SELPLG: variants seen among roughly 807,000 people sequenced by gnomAD.
SELPLG encodes P-selectin glycoprotein ligand 1.
Under a neutral mutation model 1.1 loss-of-function variants are expected in SELPLG, and 2 were observed. The ratio of observed to expected loss-of-function variants is 1.82; its 90% CI spans 0.74 to 5.71. The LOEUF is 5.71. SELPLG is among the 30% of genes most tolerant of loss of function. SELPLG has a pLI of 0.05. For missense variants in SELPLG, 478 were observed against 524.7 expected, an observed-to-expected ratio of 0.91 and a Z score of 0.87; for synonymous variants, 230 against 221.2, an observed-to-expected ratio of 1.04 and a Z score of -0.35.
intron 1 of SELPLG, chr12:108,632,170 C>T (rs2032070136): frequency 7.8e-6 from 4 of 511,782 alleles, no homozygotes; most frequent in African/African-American, 1.9e-5. Flanking sequence ...TGGCTGCTGG[C>T]CAAGCCTGCT....
chr12:108,631,061 C>T (rs903793723), intron 1 of SELPLG, among the ~76,000 whole-genome samples: 15 of 152,160 alleles, frequency 9.9e-5, no homozygotes, highest in South Asian at 2.1e-4. Flanking sequence ...AGGGGCCTCA[C>T]TAAATGCCTC....
intron 1 of SELPLG, among the ~76,000 whole-genome samples, chr12:108,625,888 A>G (rs941136066): frequency 3.3e-5 from 5 of 152,180 alleles, no homozygotes; most frequent in African/African-American, 1.2e-4. Flanking sequence ...TTCCCTGGAT[A>G]TAACACCCTT....
intron 1 of SELPLG, among the ~76,000 whole-genome samples, chr12:108,633,169 G>A (rs1472972400): frequency 3.3e-5 from 5 of 152,144 alleles, no homozygotes; most frequent in African/African-American, 4.8e-5. Flanking sequence ...TCAGAATGCC[G>A]CCAAGCCAGA....
intron 1 of SELPLG, among the ~76,000 whole-genome samples, chr12:108,631,339 T>A (rs1451866872): frequency 6.6e-6 from 1 of 152,172 alleles, no homozygotes; most frequent in Non-Finnish European, 1.5e-5. Flanking sequence ...CATAGCTCAC[T>A]GCAGGCTTGA....
intron 1 of SELPLG, among the ~76,000 whole-genome samples, chr12:108,632,844 G>A (rs1378649992): frequency 1.3e-5 from 2 of 151,746 alleles, no homozygotes; most frequent in Admixed American, 6.6e-5. Context: ...TATTATTATT[G>A]TTTTCCCTTT....
In SELPLG at chr12:108,623,911, T is replaced by C. The variant is rs2031882668; in HGVS notation, c.397A>G (p.Thr133Ala). ...TTQPAATEAQ[T>A]TQPVPTEAQT... ...GCCTCCGTGGGCACTGGTTGAGTGGTCTGTGCCTCCGTGGCTGCTGGTTGA... is the reference window on the plus strand; with the variant it reads ...GCCTCCGTGGGCACTGGTTGAGTGGCCTGTGCCTCCGTGGCTGCTGGTTGA... Residue 133 changes from threonine (T) to alanine (A), a missense_variant, in exon 2 of 2, where the codon ACC becomes GCC. Transcript: ENST00000550948. 1.2e-6 allele frequency: 2 copies of C among 1,607,534 alleles called. No individual in the cohort carries two copies. Among genetic ancestry groups the C allele is most frequent in the Non-Finnish European group, 8.5e-7 (1 of 1,176,324 alleles).
At chr12:108,630,061 TC>T (rs1325260779) in intron 1 of SELPLG, among the ~76,000 whole-genome samples, 1 of 152,046 alleles carries the variant, frequency 6.6e-6, no homozygotes, top group African/African-American at 2.4e-5. Context: ...CCTCTCCTCT[TC>T]CTGGAAGGCC....
chr12:108,624,692 TC>T (rs201205373), intron 1 of SELPLG, among the ~76,000 whole-genome samples: 17,739 of 142,666 alleles, frequency 0.12, 1,620 homozygotes, highest in Middle Eastern at 0.23. Flanking sequence ...ACTCCTTTTT[TC>T]TTTTTTTTTT....
Position 108,623,413 on chromosome 12 carries a change from C to A in SELPLG, c.895G>T (p.Ala299Ser), listed in dbSNP as rs1178595507. 6.2e-7 allele frequency: 1 copy of A among 1,614,248 alleles called. No homozygotes were observed. Among genetic ancestry groups the A allele is most frequent in the African/African-American group, 1.3e-5 (1 of 75,068 alleles). Residue 299 changes from alanine (A) to serine (S), a missense_variant, in exon 2 of 2, where the codon GCA becomes TCA. Transcript: ENST00000550948. Reference protein sequence around the residue: ...SSVTHKGIPMAASNLSVNYPV... With the variant: ...SSVTHKGIPMSASNLSVNYPV... Reference sequence around the variant, plus strand: ...TAGTTGACGGACAAATTGCTGGCTGCCATGGGAATGCCCTTGTGAGTAACA... The same window carrying A: ...TAGTTGACGGACAAATTGCTGGCTGACATGGGAATGCCCTTGTGAGTAACA...
intron 1 of SELPLG, chr12:108,631,912 A>G: frequency 6.5e-7 from 1 of 1,535,502 alleles, no homozygotes; most frequent in Non-Finnish European, 8.7e-7. Flanking sequence ...CTTCCTGTTC[A>G]AGTTCAGCAA....
intron 1 of SELPLG, among the ~76,000 whole-genome samples, chr12:108,629,460 T>C (rs1290038442): frequency 4.6e-5 from 7 of 152,174 alleles, no homozygotes. Flanking sequence ...CTTGTACTCC[T>C]AGCACTTTGG....
intron 1 of SELPLG, among the ~76,000 whole-genome samples, chr12:108,632,326 C>T (rs963006823): frequency 1.3e-5 from 2 of 151,514 alleles, no homozygotes; most frequent in Non-Finnish European, 2.9e-5. Flanking sequence ...AAAAGGAAAA[C>T]AGAAGAAAGA....
intron 1 of SELPLG, chr12:108,632,198 C>T (rs1399480872): frequency 6.8e-6 from 3 of 438,824 alleles, no homozygotes; most frequent in African/African-American, 2.0e-5. Flanking sequence ...GCATCAACCA[C>T]CCAGGGCACG....
chr12:108,632,120 T>C (rs779731401), intron 1 of SELPLG: 18 of 596,030 alleles, frequency 3.0e-5, no homozygotes, highest in Non-Finnish European at 5.0e-5. Flanking sequence ...GGGCCCAGCC[T>C]AGCAACCCAG....
At chr12:108,627,001 G>A (rs1301274122) in intron 1 of SELPLG, among the ~76,000 whole-genome samples, 1 of 152,112 alleles carries the variant, frequency 6.6e-6, no homozygotes, top group Non-Finnish European at 1.5e-5. Context: ...CTATTTGGGA[G>A]GCCAAGGCAG....
In SELPLG at chr12:108,632,395, T is replaced by G. The variant is rs1259027071; in HGVS notation, c.-6+1345A>C. ...CCAGATATCGACAATATGGGGTGTGTGTGTGTGTGTGTGTGTGTGTGTGTG... is the reference window on the plus strand; with the variant it reads ...CCAGATATCGACAATATGGGGTGTGGGTGTGTGTGTGTGTGTGTGTGTGTG... On this transcript the variant is annotated intron_variant, in intron 1 of 1. Transcript: ENST00000550948. Among the ~76,000 whole-genome samples, 321 of 119,690 alleles carry G rather than the reference T, an allele frequency of 2.7e-3. 2 individuals are homozygous for G. The highest frequency in any genetic ancestry group is 0.011 in the African/African-American group (305 of 26,564). 78.5% of individuals were successfully genotyped at this position (119,690 alleles called of 152,430 possible).
chr12:108,624,685 CCTTTTTT>C (rs1453329600), intron 1 of SELPLG, among the ~76,000 whole-genome samples: 1 of 146,008 alleles, frequency 6.8e-6, no homozygotes, highest in African/African-American at 2.6e-5. Flanking sequence ...TCATGTCACT[CCTTTTTT>C]CTTTTTTTTT....
intron 1 of SELPLG, among the ~76,000 whole-genome samples, chr12:108,628,439 G>A (rs1052164839): frequency 3.3e-5 from 5 of 151,778 alleles, no homozygotes; most frequent in African/African-American, 4.9e-5. Context: ...AAGAATCTAC[G>A]GCCCAACCTT....
chr12:108,632,617 T>C (rs1219864981), intron 1 of SELPLG, among the ~76,000 whole-genome samples: 1 of 151,876 alleles, frequency 6.6e-6, no homozygotes, highest in Non-Finnish European at 1.5e-5. Flanking sequence ...CAGGTTCAAG[T>C]GATCCTCCCA....
Sources: allele counts gnomAD v4.1 joint callset (sites outside exome capture counted in the v4.1 genomes callset), GRCh38; gene constraint gnomAD v4.1.1; transcripts MANE v1.5; gene names NCBI Gene and HGNC (gene_info 2026-07-23, HGNC 2026-07-21).